RGS6: variants seen among roughly 807,000 people sequenced by gnomAD.
RGS6 encodes the protein regulator of G-protein signaling 6.
Under a neutral mutation model 78.5 loss-of-function variants are expected in RGS6, and 30 were observed. The ratio of observed to expected loss-of-function variants is 0.38; its 90% CI spans 0.29 to 0.52. The LOEUF (loss-of-function observed/expected upper bound fraction) is 0.52. Ranked by LOEUF, RGS6 falls within the 20% of genes least tolerant of loss-of-function variation. The pLI is 0.85. For synonymous variants in RGS6, 206 were observed against 206.0 expected (o/e 1.00, Z 0.00); for missense variants, 495 against 609.7 (o/e 0.81, Z 1.98).
chr14:72,330,537 T>G (rs1191056896), intron 2 of RGS6, among the ~76,000 whole-genome samples: 1 of 152,192 alleles, frequency 6.6e-6, no homozygotes, highest in Non-Finnish European at 1.5e-5. Flanking sequence ...AGGGAGGTCA[T>G]AGGGAGGTTG....
intron 10 of RGS6, among the ~76,000 whole-genome samples, chr14:72,476,043 T>C (rs1186128005): frequency 6.6e-6 from 1 of 152,254 alleles, no homozygotes; most frequent in African/African-American, 2.4e-5. Flanking sequence ...TGAGCCCTTC[T>C]GCATTTTGAT....
At chr14:72,285,228 G>T (rs2062311686) in intron 2 of RGS6, among the ~76,000 whole-genome samples, 2 of 152,046 alleles carry the variant, frequency 1.3e-5, no homozygotes, top group South Asian at 4.2e-4. Flanking sequence ...GATTTGGGAG[G>T]GGCCGGGGGC....
At chr14:72,188,980 C>T (rs567013811) in intron 2 of RGS6, among the ~76,000 whole-genome samples, 1 of 152,220 alleles carries the variant, frequency 6.6e-6, no homozygotes, top group East Asian at 1.9e-4. Flanking sequence ...GAACGAGGTG[C>T]TCGAGGGATT....
At chr14:72,473,021 A>C (rs1165498822) in intron 9 of RGS6, 68 bp downstream of exon 9, 2 of 1,156,606 alleles carry the variant, frequency 1.7e-6, no homozygotes, top group African/African-American at 3.2e-5. Context: ...TCTATAAAGA[A>C]AAGACCGTCT....
intron 2 of RGS6, among the ~76,000 whole-genome samples, chr14:72,216,018 C>T (rs1481306548): frequency 5.3e-5 from 8 of 152,244 alleles, no homozygotes; most frequent in Non-Finnish European, 8.8e-5. Flanking sequence ...TTCTGGAAAA[C>T]GGAAAGTATC....
chr14:72,318,766 T>A (rs1171291623), intron 2 of RGS6, among the ~76,000 whole-genome samples: 1 of 152,152 alleles, frequency 6.6e-6, no homozygotes, highest in Non-Finnish European at 1.5e-5. Context: ...ATTGCAAGAC[T>A]GGAAGTAGAA....
At chr14:72,012,752 C>T (rs939048038) in intron 2 of RGS6, among the ~76,000 whole-genome samples, 1 of 152,154 alleles carries the variant, frequency 6.6e-6, no homozygotes, top group South Asian at 2.1e-4. Context: ...TTGAATTGTG[C>T]CTCAACCAGT....
At chr14:72,614,094 CT>C in the RGS6 span, among the ~76,000 whole-genome samples, 651 of 152,348 alleles carry the variant, frequency 4.3e-3, 7 homozygotes, top group African/African-American at 0.015. Context: ...ACCAACCCAT[CT>C]GTCCCATTGT....
chr14:72,091,795 A>T (rs2095277518), intron 2 of RGS6, among the ~76,000 whole-genome samples: 1 of 152,150 alleles, frequency 6.6e-6, no homozygotes, highest in African/African-American at 2.4e-5. Context: ...GAACCAAATC[A>T]CATTTAACTG....
chr14:72,522,365 A>C (rs1247095339), intron 15 of RGS6, among the ~76,000 whole-genome samples: 1 of 152,204 alleles, frequency 6.6e-6, no homozygotes. Flanking sequence ...GGGCTTCAAC[A>C]ATATGAAATT....
intron 3 of RGS6, among the ~76,000 whole-genome samples, chr14:72,415,341 G>C (rs183473967): frequency 1.6e-4 from 24 of 152,370 alleles, no homozygotes; most frequent in African/African-American, 5.5e-4. Flanking sequence ...CTCCAAGCCA[G>C]GTGCAGGATA....
At chr14:72,401,675 T>C (rs2092419193) in intron 3 of RGS6, among the ~76,000 whole-genome samples, 1 of 148,160 alleles carries the variant, frequency 6.7e-6, no homozygotes, top group Non-Finnish European at 1.5e-5. Flanking sequence ...ACTACACAGC[T>C]CTTACTGAAG....
intron 2 of RGS6, among the ~76,000 whole-genome samples, chr14:72,084,096 T>C (rs1395588902): frequency 6.6e-6 from 1 of 152,208 alleles, no homozygotes; most frequent in Non-Finnish European, 1.5e-5. Flanking sequence ...TTTTTGGCAC[T>C]AAGGACAAGT....
intron 2 of RGS6, among the ~76,000 whole-genome samples, chr14:72,112,053 T>C (rs2095779213): frequency 6.6e-6 from 1 of 152,228 alleles, no homozygotes; most frequent in African/African-American, 2.4e-5. Flanking sequence ...TGCGGAGCTC[T>C]GGGTCTTAGA....
chr14:72,162,472 G>A (rs2096866000), intron 2 of RGS6, among the ~76,000 whole-genome samples: 1 of 152,150 alleles, frequency 6.6e-6, no homozygotes, highest in South Asian at 2.1e-4. Flanking sequence ...TGATGGGGTT[G>A]GGCATGTGAT....
intron 2 of RGS6, among the ~76,000 whole-genome samples, chr14:71,985,177 G>C (rs2094642026): frequency 6.6e-6 from 1 of 152,196 alleles, no homozygotes; most frequent in Non-Finnish European, 1.5e-5. Flanking sequence ...AGGCTGGAGT[G>C]CAGTGGTGTG....
chr14:72,467,721 T>G (rs1330891191), intron 7 of RGS6, among the ~76,000 whole-genome samples: 1 of 152,130 alleles, frequency 6.6e-6, no homozygotes, highest in East Asian at 1.9e-4. Context: ...GATGATCATA[T>G]GTTGGAATAT....
At chr14:72,588,244 C>G in the RGS6 span, among the ~76,000 whole-genome samples, 2 of 152,060 alleles carry the variant, frequency 1.3e-5, no homozygotes, top group African/African-American at 4.8e-5. Context: ...TGTGGGAGTA[C>G]TTGGGAACTA....
intron 4 of RGS6, 63 bp downstream of exon 4, chr14:72,454,641 T>C (rs2095583332): frequency 2.9e-6 from 4 of 1,383,884 alleles, no homozygotes; most frequent in Non-Finnish European, 4.0e-6. Context: ...ATAACCAAGT[T>C]CCAAACTAGA....
Sources: gnomAD v4.1 joint callset for allele counts (sites outside exome capture counted in the v4.1 genomes callset) on GRCh38, gnomAD v4.1.1 for gene constraint, MANE v1.5 for transcripts, NCBI Gene and HGNC (gene_info 2026-07-23, HGNC 2026-07-21) for gene names.